RPS6: variants seen among roughly 807,000 people sequenced by gnomAD.
The protein encoded by RPS6 is small ribosomal subunit protein eS6.
Under a neutral mutation model 27.1 loss-of-function variants are expected in RPS6, and 1 was observed. The ratio of observed to expected loss-of-function variants is 0.04; its 90% CI spans 0.01 to 0.18. RPS6 has a LOEUF of 0.18. RPS6 is among the 10% of genes least tolerant of loss of function. The pLI, the probability that RPS6 is intolerant of heterozygous loss-of-function variation, is 1.00. For missense variants in RPS6, 259 were observed against 319.1 expected, an observed-to-expected ratio of 0.81 and a Z score of 1.44; for synonymous variants, 152 against 106.0, an observed-to-expected ratio of 1.43 and a Z score of -2.66.
At chr9:19,379,185 A>G in intron 2 of RPS6, 1 of 966,044 alleles carries the variant, frequency 1.0e-6, no homozygotes, top group African/African-American at 1.7e-5. Flanking sequence ...AAACAGCAAC[A>G]AACAAATCAG....
At chr9:19,379,220 G>A in intron 2 of RPS6, 1 of 1,241,820 alleles carries the variant, frequency 8.1e-7, no homozygotes, top group Non-Finnish European at 1.1e-6. Flanking sequence ...GGCACTTTGG[G>A]GATTATGAGG....
intron 1 of RPS6, 185 bp downstream of exon 1, chr9:19,380,005 C>T: frequency 3.4e-6 from 5 of 1,480,840 alleles, no homozygotes; most frequent in Admixed American, 5.0e-5. Context: ...GCGGCTCCAG[C>T]CGCAATCGCC....
At chr9:19,379,017 AT>A in intron 2 of RPS6, 99 bp from the exon 3 acceptor site, 1 of 1,190,298 alleles carries the variant, frequency 8.4e-7, no homozygotes, top group Admixed American at 2.6e-5. Flanking sequence ...ATGAGAAAGT[AT>A]AATTATGAAA....
chr9:19,379,016 T>C (rs760023855), intron 2 of RPS6, 98 bp from the exon 3 acceptor site: 73 of 1,197,954 alleles, frequency 6.1e-5, no homozygotes, highest in Non-Finnish European at 8.4e-5. Flanking sequence ...TATGAGAAAG[T>C]ATAATTATGA....
Position 19,379,588 on chromosome 9 carries a change from G to C in RPS6, c.37C>G (p.Gln13Glu), listed in dbSNP as rs538652085. The C allele has an allele frequency of 1.4e-5, 22 of 1,614,082 alleles. No homozygotes were observed. Among genetic ancestry groups the C allele is most frequent in the Non-Finnish European group, 1.7e-5 (20 of 1,179,956 alleles). The part of the protein sequence containing the change: ...LNISFPATGC[Q>E]KLIEVDDERK... ...TCATCGTCCACTTCAATGAGTTTCT[G>C]GCAGCCAGTGGCTGGGAAGGAGATG... The change falls in exon 2 of 6, where the codon CAG (glutamine) becomes GAG (glutamate). Residue 13 changes from glutamine (Q) to glutamate (E), a missense_variant. Coordinates refer to ENST00000380394, the MANE Select transcript of RPS6 (RefSeq NM_001010.3).
chr9:19,376,042 A>T lies in RPS6; in HGVS notation c.*251T>A. 2.7e-6 allele frequency: 1 copy of T among 370,134 alleles called. No homozygotes were observed. The highest frequency in any genetic ancestry group is 4.9e-6 in the Non-Finnish European group (1 of 205,270). The allele number at this position is 370,134 out of a possible 1,614,324, so 22.9% of individuals were successfully genotyped here. On this transcript the variant is annotated 3_prime_UTR_variant, in exon 6 of 6. Coordinates refer to ENST00000380394, the MANE Select transcript of RPS6 (RefSeq NM_001010.3). The stretch of plus-strand genomic sequence containing the variant: ...CCCTAAGTTCCATGCCATTCTGAAG[A>T]GGCAGGTGTCTTATGCTCAGAATCC...
At chr9:19,379,398 C>G (rs753029265) in intron 2 of RPS6, 89 bp downstream of exon 2, 1 of 1,574,732 alleles carries the variant, frequency 6.4e-7, no homozygotes, top group Non-Finnish European at 8.6e-7. Context: ...AAGCCAGAAC[C>G]CGGAGTCTGA....
chr9:19,376,424 T>A, intron 5 of RPS6, 36 bp from the exon 6 acceptor site: 1 of 1,612,950 alleles, frequency 6.2e-7, no homozygotes, highest in South Asian at 1.1e-5. Flanking sequence ...TTAAGGCCTT[T>A]CTGGGTTAAA....
At chr9:19,377,104 T>C (rs986581384) in intron 4 of RPS6, among the ~76,000 whole-genome samples, 1 of 152,158 alleles carries the variant, frequency 6.6e-6, no homozygotes, top group Admixed American at 6.5e-5. Flanking sequence ...TTAGGTGGCA[T>C]GTTGTTAAAG....
chr9:19,378,051 TC>T (rs1226606079), intron 4 of RPS6, among the ~76,000 whole-genome samples: 1 of 152,160 alleles, frequency 6.6e-6, no homozygotes, highest in East Asian at 1.9e-4. Context: ...GTGCTAATAG[TC>T]CCAGAATTCT....
chr9:19,379,183 A>G (rs1049419857), intron 2 of RPS6: 39 of 941,674 alleles, frequency 4.1e-5, no homozygotes, highest in Middle Eastern at 2.9e-4. Context: ...TCAAACAGCA[A>G]CAAACAAATC....
chr9:19,378,233 A>G, intron 4 of RPS6, 135 bp downstream of exon 4: 1 of 838,498 alleles, frequency 1.2e-6, no homozygotes, highest in Non-Finnish European at 1.8e-6. Context: ...GGCCACCCCC[A>G]AATATTTTCT....
rs1012019872 is a variant in RPS6 at position 19,376,292 on chromosome 9, C to T, written c.*1G>A. ...CTTATTTATTTGTTACTCAAAAAAT[C>T]TTATTTCTGACTGGATTCAGACTTA... is the stretch of plus-strand genomic sequence containing the variant. On this transcript the variant is annotated 3_prime_UTR_variant, in exon 6 of 6. Coordinates refer to ENST00000380394, the MANE Select transcript of RPS6 (RefSeq NM_001010.3). 6.2e-7 allele frequency: 1 copy of T among 1,607,700 alleles called. No individual in the cohort carries two copies. Among genetic ancestry groups the T allele is most frequent in the Non-Finnish European group, 8.5e-7 (1 of 1,177,608 alleles).
intron 2 of RPS6, 194 bp from the exon 3 acceptor site, chr9:19,379,112 T>G: frequency 1.3e-6 from 1 of 766,016 alleles, no homozygotes; most frequent in Non-Finnish European, 2.0e-6. Context: ...ATCAAATGTC[T>G]TTCAAGTCGC....
At chr9:19,379,986 C>G in intron 1 of RPS6, 4 of 1,454,382 alleles carry the variant, frequency 2.8e-6, no homozygotes, top group Non-Finnish European at 3.6e-6. Context: ...ATGGCGCTCC[C>G]GGCCCGCCGC....
In RPS6 at chr9:19,376,255, T is replaced by A. The variant is rs1279298293; in HGVS notation, c.*38A>T. The A allele has an allele frequency of 6.5e-7, 1 of 1,527,052 alleles. No individual in the cohort carries two copies. The highest frequency in any genetic ancestry group is 9.0e-7 in the Non-Finnish European group (1 of 1,113,378). The allele number at this position is 1,527,052 out of a possible 1,614,324, so 94.6% of individuals were successfully genotyped here. On this transcript the variant is annotated 3_prime_UTR_variant, in exon 6 of 6. Coordinates refer to ENST00000380394, the MANE Select transcript of RPS6 (RefSeq NM_001010.3). ...ATCAGCAATGAAAAGTCAACAGAGA[T>A]CAGAGTCTGATCTTATTTATTTGTT...
chr9:19,376,502 T>G lies in RPS6; in HGVS notation c.646A>C (p.Arg216=). The change falls in exon 5 of 6, where the codon AGA becomes CGA. Residue 216 remains arginine, a synonymous_variant. Transcript: ENST00000380394. The part of the protein sequence containing the change: ...AAEYAKLLAK[R]MKEAKEKRQE... Reference sequence around the variant, plus strand: ...AATCATCTTAGACTAACCTTCATTCTCTTGGCCAAAAGTTTAGCATATTCT... The same window carrying G: ...AATCATCTTAGACTAACCTTCATTCGCTTGGCCAAAAGTTTAGCATATTCT... 6.2e-7 allele frequency: 1 copy of G among 1,613,862 alleles called. No individual in the cohort carries two copies. The highest frequency in any genetic ancestry group is 8.5e-7 in the Non-Finnish European group (1 of 1,179,964).
At chr9:19,376,889 A>G (rs1322480222) in intron 4 of RPS6, 7 of 394,102 alleles carry the variant, frequency 1.8e-5, no homozygotes, top group Non-Finnish European at 3.1e-5. Context: ...AACCAGGCTA[A>G]CTTTTACTAC....
intron 2 of RPS6, 42 bp from the exon 3 acceptor site, chr9:19,378,960 T>A: frequency 6.3e-7 from 1 of 1,577,080 alleles, no homozygotes. Context: ...CTATTTCTAT[T>A]CCAAAATTAT....
Sources: allele counts gnomAD v4.1 joint callset (sites outside exome capture counted in the v4.1 genomes callset), GRCh38; gene constraint gnomAD v4.1.1; transcripts MANE v1.5; gene names NCBI Gene and HGNC (gene_info 2026-07-23, HGNC 2026-07-21).